TCN2: variants seen among roughly 807,000 people sequenced by gnomAD.
TCN2 encodes transcobalamin-2.
A neutral mutation model predicts 48.6 loss-of-function variants in TCN2; 34 were observed. That is an observed-to-expected ratio of 0.70 (90% CI 0.53 to 0.93). The LOEUF (loss-of-function observed/expected upper bound fraction) is 0.93, where lower values mean the gene tolerates loss of function less well. TCN2 is among the 40% of genes least tolerant of loss of function. The pLI, the probability that TCN2 is intolerant of heterozygous loss-of-function variation, is 0.00. For missense variants in TCN2, 652 were observed against 526.1 expected, an observed-to-expected ratio of 1.24 and a Z score of -2.34; for synonymous variants, 283 against 212.5, an observed-to-expected ratio of 1.33 and a Z score of -2.89.
intron 8 of TCN2, chr22:30,623,382 C>T (rs992605910): frequency 3.5e-5 from 11 of 313,220 alleles, no homozygotes; most frequent in Middle Eastern, 1.2e-3. Flanking sequence ...GATGGAGTTT[C>T]GCTCTTGTTG....
Position 30,626,542 on chromosome 22 carries a change from A to G in TCN2, c.*21A>G. 5 of 1,613,752 alleles carry G rather than the reference A, an allele frequency of 3.1e-6. No individual in the cohort carries two copies. Among genetic ancestry groups the G allele is most frequent in the Non-Finnish European group, 4.2e-6 (5 of 1,179,920 alleles). On this transcript the variant is annotated 3_prime_UTR_variant, in exon 9 of 9. Transcript: ENST00000215838. ...GGTAGCCCCTGAGCTCCCTCATCCC[A>G]GCAGCCTCGCACACTCCCTAGGCTT...
In TCN2 at chr22:30,622,982, C is replaced by T; in HGVS notation, c.1121C>T (p.Ala374Val). The change falls in exon 8 of 9, where the codon GCC (alanine) becomes GTC (valine). Residue 374 changes from alanine to valine, a missense_variant. Transcript: ENST00000215838. ...ELGGFTYETQ[A>V]SLSGPYLTSV... ...CCCTTCTGTAGATATGAAACACAGG[C>T]CTCCTTGTCAGGCCCCTACTTAACC... 6.2e-7 allele frequency: 1 copy of T among 1,614,140 alleles called. No individual in the cohort carries two copies. The highest frequency in any genetic ancestry group is 8.5e-7 in the Non-Finnish European group (1 of 1,180,028).
chr22:30,611,902 C>T (rs1408789071), intron 2 of TCN2, among the ~76,000 whole-genome samples: 1 of 152,096 alleles, frequency 6.6e-6, no homozygotes, highest in African/African-American at 2.4e-5. Context: ...CATGGAGTGC[C>T]TCTTTCTCAG....
At chr22:30,614,604 G>T in intron 4 of TCN2, 103 bp downstream of exon 4, 1 of 1,512,338 alleles carries the variant, frequency 6.6e-7, no homozygotes. Context: ...CCTTTCCTTG[G>T]GGCTCCTCCG....
intron 7 of TCN2, among the ~76,000 whole-genome samples, chr22:30,619,788 A>G (rs897388909): frequency 3.3e-5 from 5 of 152,176 alleles, no homozygotes; most frequent in Admixed American, 6.6e-5. Context: ...AAGTACAAAC[A>G]TTCTCCCAGA....
chr22:30,625,738 C>G (rs1038082971), intron 8 of TCN2, among the ~76,000 whole-genome samples: 6 of 152,092 alleles, frequency 3.9e-5, no homozygotes, highest in African/African-American at 1.4e-4. Flanking sequence ...TGCTGGGATT[C>G]TAGGTATGAG....
chr22:30,625,698 A>C (rs554532199), intron 8 of TCN2, among the ~76,000 whole-genome samples: 41 of 152,226 alleles, frequency 2.7e-4, no homozygotes, highest in African/African-American at 9.4e-4. Flanking sequence ...TTCTGAACTC[A>C]AGTGATCTGC....
rs190087868 is a variant in TCN2 at position 30,623,122 on chromosome 22, C to G, written c.1222+39C>G. 383 of 1,606,426 alleles carry G rather than the reference C, an allele frequency of 2.4e-4. 1 individual carries two copies. In the African/African-American group the frequency reaches 4.5e-3, roughly 19 times the overall value. On this transcript the variant is annotated intron_variant, in intron 8 of 8. Transcript: ENST00000215838. ...TGACACTCTGGATGTGTCCCCTACC[C>G]CAAGCTTACTCAGCCAAGAGGCTTC...
At chr22:30,618,272 G>T (rs79817711) in intron 7 of TCN2, among the ~76,000 whole-genome samples, 9 of 147,468 alleles carry the variant, frequency 6.1e-5, no homozygotes, top group East Asian at 3.9e-4. Flanking sequence ...GGTTTTTTTT[G>T]TTTTTTTTTT....
At position 30,615,486 on chromosome 22, in the gene TCN2, C is replaced by G; in HGVS notation, c.753+13C>G. ...ATTGGCATTACAGGTGGGAAAGAGA[C>G]CCTGGAGCCATGGCCACCCTGGGGA... On this transcript the variant is annotated intron_variant, in intron 5 of 8. Transcript: ENST00000215838. The G allele has an allele frequency of 6.2e-7, 1 of 1,613,794 alleles. No homozygotes were observed. The highest frequency in any genetic ancestry group is 1.1e-5 in the South Asian group (1 of 91,058).
chr22:30,622,061 C>T (rs1350078846), intron 7 of TCN2, among the ~76,000 whole-genome samples: 1 of 152,188 alleles, frequency 6.6e-6, no homozygotes, highest in Non-Finnish European at 1.5e-5. Context: ...GATCTCAGCT[C>T]ACTGCAACCT....
intron 3 of TCN2, among the ~76,000 whole-genome samples, chr22:30,613,276 T>TTTTG (rs991356438): frequency 2.0e-5 from 3 of 152,094 alleles, no homozygotes; most frequent in African/African-American, 7.2e-5. Context: ...GTTTTTTGTT[T>TTTTG]TTTGTTTGTT....
At chr22:30,612,252 A>T (rs114048634) in intron 2 of TCN2, among the ~76,000 whole-genome samples, 1,770 of 151,992 alleles carry the variant, frequency 0.012, 29 homozygotes, top group African/African-American at 0.037. Flanking sequence ...CAGTAAAAAA[A>T]AAAAATAAAA....
rs187467401 is a variant in TCN2 at position 30,617,809 on chromosome 22, A to T, written c.1106+314A>T. On this transcript the variant is annotated intron_variant, in intron 7 of 8. Transcript: ENST00000215838. ...AGTTGTGCCCCTTCCCTGCAGGGCC[A>T]GTGTGAAGAGTCCAGGAGTTAGTAC... 9.0e-4 allele frequency: 388 copies of T among 428,998 alleles called. 1 individual carries two copies. The highest frequency in any genetic ancestry group is 6.3e-3 in the African/African-American group (311 of 49,700). 26.6% of individuals were successfully genotyped at this position (428,998 alleles called of 1,614,324 possible).
chr22:30,615,606 C>T lies in TCN2; in HGVS notation c.759C>T (p.Leu253=), dbSNP rs1168382538. 16 of 1,614,160 alleles carry T rather than the reference C, an allele frequency of 9.9e-6. No homozygotes were observed. Among genetic ancestry groups the T allele is most frequent in the Non-Finnish European group, 1.4e-5 (16 of 1,180,006 alleles). ...VYSTPLALQF[L]MTSPMRGAEL... Reference sequence around the variant, plus strand: ...CTTCCTCACTCTATCACCAGTTCCTCATGACTTCCCCCATGCGTGGGGCAG... The same window carrying T: ...CTTCCTCACTCTATCACCAGTTCCTTATGACTTCCCCCATGCGTGGGGCAG... The change falls in exon 6 of 9, where the codon CTC becomes CTT. Residue 253 remains leucine, a synonymous_variant. Coordinates refer to ENST00000215838, the MANE Select transcript of TCN2 (RefSeq NM_000355.4).
chr22:30,621,805 C>G (rs142693660), intron 7 of TCN2, among the ~76,000 whole-genome samples: 15 of 152,044 alleles, frequency 9.9e-5, no homozygotes, highest in Admixed American at 3.3e-4. Context: ...TTTTGAAAGA[C>G]CATTCCCCCA....
chr22:30,617,350 G>A lies in TCN2; in HGVS notation c.961G>A (p.Glu321Lys), dbSNP rs1316088667. Reference protein sequence around the residue: ...APRVMLEPAAETIPQTQEIIS... With the variant: ...APRVMLEPAAKTIPQTQEIIS... ...CACAGTCATGTTGGAACCAGCTGCT[G>A]AGACCATTCCTCAGACCCAAGAGAT... is the stretch of plus-strand genomic sequence containing the variant. Residue 321 changes from glutamate to lysine, a missense_variant, in exon 7 of 9, where the codon GAG becomes AAG. Physicochemically the swap from Glu to Lys is moderately conservative, Grantham distance 56. Coordinates refer to ENST00000215838, the MANE Select transcript of TCN2 (RefSeq NM_000355.4). 1.9e-6 allele frequency: 3 copies of A among 1,614,180 alleles called. No homozygotes were observed. The highest frequency in any genetic ancestry group is 3.3e-5 in the Admixed American group (2 of 60,018).
intron 1 of TCN2, among the ~76,000 whole-genome samples, chr22:30,608,850 T>G (rs569655888): frequency 6.6e-6 from 1 of 152,206 alleles, no homozygotes; most frequent in Admixed American, 6.5e-5. Flanking sequence ...TCCTCAGCCT[T>G]GGACAGTTAG....
At chr22:30,624,730 C>T (rs2087778358) in intron 8 of TCN2, among the ~76,000 whole-genome samples, 1 of 152,118 alleles carries the variant, frequency 6.6e-6, no homozygotes, top group East Asian at 1.9e-4. Context: ...TAGAAGGAAG[C>T]CCGCTCCCAG....
Sources: allele counts gnomAD v4.1 joint callset (sites outside exome capture counted in the v4.1 genomes callset), GRCh38; gene constraint gnomAD v4.1.1; transcripts MANE v1.5; gene names NCBI Gene and HGNC (gene_info 2026-07-23, HGNC 2026-07-21).